The following JADE3 variants were observed in gnomAD, a reference collection of about 807,000 sequenced individuals.
JADE3 encodes the protein protein Jade-3.
JADE3 carries 2 observed loss-of-function variants against 50.1 expected under a neutral mutation model. The ratio of observed to expected loss-of-function variants is 0.04; its 90% CI spans 0.02 to 0.13. The LOEUF (loss-of-function observed/expected upper bound fraction) is 0.13. JADE3 is among the 10% of genes least tolerant of loss of function. JADE3 has a pLI of 1.00. For synonymous variants in JADE3, 218 were observed against 232.9 expected, an observed-to-expected ratio of 0.94 and a Z score of 0.58; for missense variants, 475 against 634.4, an observed-to-expected ratio of 0.75 and a Z score of 2.70.
At chrX:47,054,136 G>C in intron 8 of JADE3, 22 bp from the exon 9 acceptor site, 1 of 1,092,052 alleles carries the variant, frequency 9.2e-7, no homozygotes, top group South Asian at 2.0e-5. Flanking sequence ...CTGCTACCTT[G>C]ACACCTATTT....
chrX:46,917,699 A>G (rs1458025354), intron 1 of JADE3, among the ~76,000 whole-genome samples: 1 of 110,159 alleles, frequency 9.1e-6, no homozygotes, highest in Non-Finnish European at 1.9e-5. Context: ...GGAAAGATTG[A>G]CAGGGCCTTA....
rs782011135 is a variant in JADE3, at chrX:47,027,967, A to T, written c.551A>T (p.Asn184Ile). The T allele has an allele frequency of 4.1e-6, 5 of 1,207,304 alleles. No individual in the cohort carries two copies. The African/African-American group carries it at 5.3e-5, about 13-fold the overall frequency. ...GAACGCCATTGCCATGAAAATATGA[A>T]CCATGCTATTGAGACAGAGGAAGGG... Reference protein sequence around the residue: ...VLERHCHENMNHAIETEEGLG... With the variant: ...VLERHCHENMIHAIETEEGLG... Residue 184 changes from asparagine to isoleucine, a missense_variant, in exon 6 of 11, where the codon AAC becomes ATC. Physicochemically the swap from Asn to Ile is moderately radical, Grantham distance 149. Transcript: ENST00000614628.
At chrX:46,964,325 A>G in intron 1 of JADE3, among the ~76,000 whole-genome samples, 1 of 112,129 alleles carries the variant, frequency 8.9e-6, no homozygotes, top group Middle Eastern at 4.6e-3. Context: ...AATACAATAG[A>G]GTATGAGACT....
chrX:47,048,373 T>C, intron 8 of JADE3, among the ~76,000 whole-genome samples: 1 of 111,723 alleles, frequency 9.0e-6, no homozygotes, highest in South Asian at 3.7e-4. Flanking sequence ...CAAAAACATA[T>C]ATCCACACAA....
chrX:46,999,434 C>CATAT (rs56687519), intron 4 of JADE3, among the ~76,000 whole-genome samples: 5 of 65,920 alleles, frequency 7.6e-5, no homozygotes, highest in South Asian at 1.3e-3. Flanking sequence ...ACATATATAA[C>CATAT]ATATATATAT....
intron 4 of JADE3, among the ~76,000 whole-genome samples, chrX:47,015,176 C>T (rs1400211456): frequency 1.8e-5 from 2 of 112,325 alleles, no homozygotes; most frequent in African/African-American, 6.5e-5. Context: ...TTTGGGCTTG[C>T]TACTTCATAT....
Position 46,917,870 on chromosome X carries a change from TCTCTCTCTCTCTCTCATC to T in JADE3, c.-12+5165_-12+5182del, listed in dbSNP as rs1267463483. Among the ~76,000 whole-genome samples, 55 of 102,623 alleles carry T rather than the reference TCTCTCTCTCTCTCTCATC, an allele frequency of 5.4e-4. 1 individual carries two copies. The highest frequency in any genetic ancestry group is 2.0e-3 in the African/African-American group (55 of 27,587). 89.1% of individuals were successfully genotyped at this position (102,623 alleles called of 115,157 possible). ...CTCTCTCTCTCATCCTCTCTCTCTC[TCTCTCTCTCTCTCTCATC>T]CTCTCTCTCTCTCATCCTCTCTCAT... On this transcript the variant is annotated intron_variant, in intron 1 of 10. Coordinates refer to ENST00000614628, the MANE Select transcript of JADE3 (RefSeq NM_014735.5).
intron 7 of JADE3, among the ~76,000 whole-genome samples, chrX:47,035,459 G>C (rs1303666729): frequency 2.7e-5 from 3 of 111,854 alleles, no homozygotes; most frequent in Admixed American, 9.5e-5. Flanking sequence ...AATAAACTCA[G>C]GTTTCTGGCT....
At chrX:46,952,736 G>A (rs1927032717) in intron 1 of JADE3, among the ~76,000 whole-genome samples, 1 of 112,111 alleles carries the variant, frequency 8.9e-6, no homozygotes, top group African/African-American at 3.2e-5. Context: ...GGTGGCTCAC[G>A]CCTGTAATCC....
intron 4 of JADE3, among the ~76,000 whole-genome samples, chrX:47,009,547 TAA>T (rs1453961492): frequency 1.8e-5 from 2 of 110,068 alleles, no homozygotes; most frequent in African/African-American, 6.6e-5. Flanking sequence ...GGCCAAAATA[TAA>T]GTCAGAAAAA....
chrX:46,937,301 T>G (rs1926648586), intron 1 of JADE3, among the ~76,000 whole-genome samples: 1 of 111,850 alleles, frequency 8.9e-6, no homozygotes, highest in East Asian at 2.8e-4. Flanking sequence ...CTCTTTATGA[T>G]TTCCATATTT....
intron 8 of JADE3, among the ~76,000 whole-genome samples, chrX:47,049,755 C>CT (rs536912145): frequency 0.025 from 1,397 of 55,732 alleles, 18 homozygotes; most frequent in African/African-American, 0.031. Flanking sequence ...TCTTCTTCTT[C>CT]TTTTTTTTTT....
chrX:47,010,799 C>T (rs934412929), intron 4 of JADE3, among the ~76,000 whole-genome samples: 1 of 110,946 alleles, frequency 9.0e-6, no homozygotes, highest in African/African-American at 3.3e-5. Flanking sequence ...CTTTTTCAGA[C>T]GTTTCTCTTT....
At chrX:46,975,747 T>G (rs1209294187) in intron 1 of JADE3, among the ~76,000 whole-genome samples, 1 of 76,030 alleles carries the variant, frequency 1.3e-5, no homozygotes, top group Non-Finnish European at 2.3e-5. Flanking sequence ...TGGGACAGAG[T>G]CTCGCTCTGT....
In JADE3 at chrX:47,058,990, CAG is replaced by C; in HGVS notation, c.2386_2387del (p.Arg796GlyfsTer6). 1 of 1,209,321 alleles carries C rather than the reference CAG, an allele frequency of 8.3e-7. No individual in the cohort carries two copies. Among genetic ancestry groups the C allele is most frequent in the African/African-American group, 1.7e-5 (1 of 57,725 alleles). On this transcript the variant is annotated frameshift_variant, in exon 11 of 11. Transcript: ENST00000614628. LOFTEE classifies it high-confidence loss of function. ...TCAGGGTAAGGAAAGATAGCTCAGA[CAG>C]GGAAAATCCTCCCCATGACTCTAGA... Reference protein sequence around the residue: ...KVRVRKDSSDRENPPHDSRRD... With the variant: ...KVRVRKDSSDXENPPHDSRRD...
intron 4 of JADE3, among the ~76,000 whole-genome samples, chrX:47,003,033 AATG>A (rs1227550143): frequency 8.9e-6 from 1 of 111,796 alleles, no homozygotes; most frequent in Non-Finnish European, 1.9e-5. Context: ...TGTCAACTGA[AATG>A]ATCCCTATCA....
intron 1 of JADE3, among the ~76,000 whole-genome samples, chrX:46,982,242 A>G (rs1464562139): frequency 9.1e-6 from 1 of 110,334 alleles, no homozygotes; most frequent in Non-Finnish European, 1.9e-5. Context: ...TGTTCAATCT[A>G]CTGTTGAGGC....
chrX:46,934,368 G>A (rs1477066825), intron 1 of JADE3, among the ~76,000 whole-genome samples: 1 of 107,888 alleles, frequency 9.3e-6, no homozygotes, highest in Non-Finnish European at 1.9e-5. Context: ...GCGCGATCTC[G>A]GCTCACTGCA....
intron 1 of JADE3, among the ~76,000 whole-genome samples, chrX:46,966,368 A>G (rs916823719): frequency 1.8e-5 from 2 of 110,515 alleles, no homozygotes; most frequent in Non-Finnish European, 1.9e-5. Context: ...TTTCCCTCCT[A>G]CCTTCCTGTC....
Sources: gnomAD v4.1 joint callset for allele counts (sites outside exome capture counted in the v4.1 genomes callset) on GRCh38, gnomAD v4.1.1 for gene constraint, MANE v1.5 for transcripts, NCBI Gene and HGNC (gene_info 2026-07-23, HGNC 2026-07-21) for gene names.